The following SYN2 variants were observed in gnomAD, a reference collection of about 807,000 sequenced individuals.
SYN2 encodes synapsin II.
A neutral mutation model predicts 50.9 loss-of-function variants in SYN2; 19 were observed. The ratio of observed to expected loss-of-function variants is 0.37; its 90% confidence interval spans 0.26 to 0.55. The LOEUF is 0.55. Among genes scored for constraint, SYN2 ranks in the 20% least tolerant of loss-of-function variants. SYN2 has a pLI of 0.81. For missense variants in SYN2, 587 were observed against 576.4 expected (o/e 1.02, Z -0.19); for synonymous variants, 255 against 224.9 (o/e 1.13, Z -1.20).
chr3:12,177,776 T>G (rs911724934), intron 10 of SYN2, among the ~76,000 whole-genome samples: 1 of 152,214 alleles, frequency 6.6e-6, no homozygotes, highest in Non-Finnish European at 1.5e-5. Flanking sequence ...TTCAGGGACA[T>G]CTTTAATCAT....
intron 1 of SYN2, among the ~76,000 whole-genome samples, chr3:12,139,207 G>C (rs565734581): frequency 6.6e-6 from 1 of 152,184 alleles, no homozygotes; most frequent in Non-Finnish European, 1.5e-5. Context: ...AGAACGGGGT[G>C]TTCCAGAACC....
intron 1 of SYN2, among the ~76,000 whole-genome samples, chr3:12,036,024 T>A (rs1019406031): frequency 6.6e-6 from 1 of 152,250 alleles, no homozygotes; most frequent in African/African-American, 2.4e-5. Context: ...CCTTCTTGTT[T>A]ATCAGATGGC....
intron 1 of SYN2, among the ~76,000 whole-genome samples, chr3:12,104,565 CTTTTCTTTTT>C (rs1392031616): frequency 5.8e-5 from 4 of 68,580 alleles, no homozygotes; most frequent in African/African-American, 2.4e-4. Context: ...TTTTTCTTTT[CTTTTCTTTTT>C]TTTTTTTTTT....
intron 1 of SYN2, among the ~76,000 whole-genome samples, chr3:12,090,950 C>G (rs1391416197): frequency 6.6e-6 from 1 of 152,070 alleles, no homozygotes; most frequent in Non-Finnish European, 1.5e-5. Flanking sequence ...GCATTCTATT[C>G]CATAATATTG....
chr3:12,145,860 G>C (rs1441355241), intron 4 of SYN2, 25 bp downstream of exon 4: 1 of 1,612,684 alleles, frequency 6.2e-7, no homozygotes, highest in African/African-American at 1.3e-5. Context: ...CTTCCCCCAA[G>C]TAAAAGGGTA....
At chr3:12,038,684 G>T (rs1486077349) in intron 1 of SYN2, among the ~76,000 whole-genome samples, 1 of 151,734 alleles carries the variant, frequency 6.6e-6, no homozygotes, top group Non-Finnish European at 1.5e-5. Flanking sequence ...AAATTGAATT[G>T]GTCCCTTTAT....
chr3:12,153,577 A>G (rs1381782624), intron 5 of SYN2: 2 of 1,614,132 alleles, frequency 1.2e-6, no homozygotes, highest in East Asian at 4.5e-5. Flanking sequence ...TACCAGCTGC[A>G]GGTGCCGTCA....
chr3:12,135,726 G>C (rs1386573031), intron 1 of SYN2, among the ~76,000 whole-genome samples: 1 of 152,172 alleles, frequency 6.6e-6, no homozygotes, highest in African/African-American at 2.4e-5. Context: ...AGATGGCAGG[G>C]CCTGCAGAAA....
chr3:12,191,678 A>G lies in SYN2; in HGVS notation c.*1053A>G, dbSNP rs1247629022. On this transcript the variant is annotated 3_prime_UTR_variant, in exon 13 of 13. Transcript: ENST00000621198. ...CAAGACACCTAGCCTTCCTTCAGCA[A>G]CTCAGCGTTTCTACCTATATTACGG... 6.6e-6 allele frequency among the ~76,000 whole-genome samples: 1 copy of G among 152,174 alleles called. No homozygotes were observed. The highest frequency in any genetic ancestry group is 1.5e-5 in the Non-Finnish European group (1 of 68,030).
chr3:12,141,683 A>T (rs1398823729), intron 2 of SYN2, among the ~76,000 whole-genome samples: 2 of 152,184 alleles, frequency 1.3e-5, no homozygotes, highest in East Asian at 3.9e-4. Flanking sequence ...CTGAAAAGTT[A>T]CTTAACTGCT....
At chr3:12,130,150 A>T (rs906046963) in intron 1 of SYN2, among the ~76,000 whole-genome samples, 4 of 151,438 alleles carry the variant, frequency 2.6e-5, no homozygotes, top group Admixed American at 2.6e-4. Context: ...GTGTGTGTGT[A>T]CATATATATA....
chr3:12,063,258 T>G (rs1181291435), intron 1 of SYN2, among the ~76,000 whole-genome samples: 1 of 151,880 alleles, frequency 6.6e-6, no homozygotes, highest in Non-Finnish European at 1.5e-5. Context: ...GATTGGGTGA[T>G]CCCAGGATAG....
intron 1 of SYN2, among the ~76,000 whole-genome samples, chr3:12,051,751 G>A (rs1694869780): frequency 6.6e-6 from 1 of 152,158 alleles, no homozygotes; most frequent in African/African-American, 2.4e-5. Flanking sequence ...TTCCTTAAAT[G>A]GGTCAGTTGT....
chr3:12,078,597 G>A (rs548898992), intron 1 of SYN2, among the ~76,000 whole-genome samples: 3 of 152,074 alleles, frequency 2.0e-5, no homozygotes, highest in East Asian at 1.9e-4. Flanking sequence ...GAGCTTTGTC[G>A]AAGATCAGGT....
At chr3:12,022,566 C>A (rs1038190257) in intron 1 of SYN2, among the ~76,000 whole-genome samples, 11 of 151,970 alleles carry the variant, frequency 7.2e-5, no homozygotes, top group African/African-American at 2.7e-4. Context: ...CGCCACCATG[C>A]CTGGCTAATT....
intron 10 of SYN2, among the ~76,000 whole-genome samples, chr3:12,172,697 AG>A (rs1199907890): frequency 2.6e-5 from 4 of 152,208 alleles, no homozygotes; most frequent in Non-Finnish European, 4.4e-5. Context: ...GGTTGAACTC[AG>A]CCTCTGGCTT....
intron 1 of SYN2, among the ~76,000 whole-genome samples, chr3:12,063,954 C>T (rs896823594): frequency 6.6e-6 from 1 of 151,624 alleles, no homozygotes; most frequent in African/African-American, 2.4e-5. Flanking sequence ...TGCATAGTGC[C>T]ATCCTTTCAA....
chr3:12,126,350 G>A (rs933077878), intron 1 of SYN2, among the ~76,000 whole-genome samples: 6 of 152,272 alleles, frequency 3.9e-5, no homozygotes, highest in Admixed American at 2.0e-4. Flanking sequence ...TGTATTATAC[G>A]ATAACTGCAC....
At chr3:12,093,658 A>T (rs1258939503) in intron 1 of SYN2, among the ~76,000 whole-genome samples, 28 of 152,178 alleles carry the variant, frequency 1.8e-4, no homozygotes, top group Non-Finnish European at 1.5e-5. Context: ...TGCTGAAATC[A>T]GTTGCTCTCA....
Sources: gnomAD v4.1 joint callset for allele counts (sites outside exome capture counted in the v4.1 genomes callset) on GRCh38, gnomAD v4.1.1 for gene constraint, MANE v1.5 for transcripts, NCBI Gene and HGNC (gene_info 2026-07-23, HGNC 2026-07-21) for gene names.